MAD1L1: variants seen among roughly 807,000 people sequenced by gnomAD.
MAD1L1 encodes the protein mitotic spindle assembly checkpoint protein MAD1.
A neutral mutation model predicts 96.9 loss-of-function variants in MAD1L1; 95 were observed. The observed-to-expected ratio is 0.98, with a 90% CI of 0.83 to 1.16. The LOEUF is 1.16. Ranked by LOEUF, MAD1L1 falls within the 50% of genes most tolerant of loss-of-function variation. MAD1L1 has a pLI of 0.00. For synonymous variants in MAD1L1, 473 were observed against 396.6 expected, an observed-to-expected ratio of 1.19 and a Z score of -2.29; for missense variants, 1,007 against 954.4, an observed-to-expected ratio of 1.06 and a Z score of -0.73.
chr7:1,828,162 G>C (rs1054053969), intron 18 of MAD1L1, among the ~76,000 whole-genome samples: 1 of 152,120 alleles, frequency 6.6e-6, no homozygotes, highest in African/African-American at 2.4e-5. Flanking sequence ...TTCCGGCCGA[G>C]ACAGAGCCAC....
intron 16 of MAD1L1, among the ~76,000 whole-genome samples, chr7:1,940,959 C>T (rs12539435): frequency 0.014 from 1,025 of 71,038 alleles, 6 homozygotes; most frequent in East Asian, 0.031. Flanking sequence ...CCTCTTCCTC[C>T]CCCCGCAGGC....
chr7:2,077,853 T>C lies in MAD1L1; in HGVS notation c.1074-8515A>G, dbSNP rs188759357. Among the ~76,000 whole-genome samples, 4 of 152,250 alleles carry C rather than the reference T, an allele frequency of 2.6e-5. No individual in the cohort carries two copies. The East Asian group carries it at 5.8e-4, about 22-fold the overall frequency. Reference sequence around the variant, plus strand: ...CAAACCACACGTGCTCGTCCTCCAGTCACAAGAACTGTACACAGAGCTGTG... The same window carrying C: ...CAAACCACACGTGCTCGTCCTCCAGCCACAAGAACTGTACACAGAGCTGTG... On this transcript the variant is annotated intron_variant, in intron 11 of 18. Coordinates refer to ENST00000265854, the MANE Select transcript of MAD1L1 (RefSeq NM_001013836.2).
intron 12 of MAD1L1, among the ~76,000 whole-genome samples, chr7:2,022,664 A>G (rs1782838822): frequency 6.6e-6 from 1 of 152,224 alleles, no homozygotes; most frequent in African/African-American, 2.4e-5. Context: ...AAAAACAAAG[A>G]ACAAGTGTCC....
intron 15 of MAD1L1, among the ~76,000 whole-genome samples, chr7:1,969,920 C>T (rs1342773943): frequency 6.6e-6 from 1 of 152,236 alleles, no homozygotes; most frequent in Non-Finnish European, 1.5e-5. Context: ...AGACTGCCCA[C>T]TGTTTACCCG....
intron 17 of MAD1L1, among the ~76,000 whole-genome samples, chr7:1,911,264 G>A (rs1008886827): frequency 6.6e-6 from 1 of 152,028 alleles, no homozygotes; most frequent in African/African-American, 2.4e-5. Flanking sequence ...CCTCTGCTCG[G>A]GGTCTTTCTT....
chr7:2,014,548 G>A lies in MAD1L1; in HGVS notation c.1313C>T (p.Ala438Val). The A allele has an allele frequency of 6.2e-7, 1 of 1,610,214 alleles. No individual in the cohort carries two copies. Among genetic ancestry groups the A allele is most frequent in the South Asian group, 1.1e-5 (1 of 90,892 alleles). Residue 438 changes from alanine to valine, a missense_variant, in exon 13 of 19, where the codon GCT becomes GTT. Ala to Val is a moderately conservative substitution (Grantham distance 64). Transcript: ENST00000265854. ...SPQLTRRMRE[A>V]EDMVQKVHSH... ...GTGCACCTTCTGCACCATATCCTCA[G>A]CCTCCCGCATGCGCCGCGTCAGCTG...
intron 1 of MAD1L1, among the ~76,000 whole-genome samples, chr7:2,231,257 C>G (rs569727703): frequency 2.0e-5 from 3 of 152,064 alleles, no homozygotes; most frequent in Non-Finnish European, 4.4e-5. Flanking sequence ...GAGACCGCAC[C>G]ACTGCACTCC....
intron 18 of MAD1L1, among the ~76,000 whole-genome samples, chr7:1,875,326 A>G (rs1321430286): frequency 6.6e-6 from 1 of 152,208 alleles, no homozygotes; most frequent in African/African-American, 2.4e-5. Context: ...GGGAAGCAGA[A>G]GCCGAGAGAC....
At chr7:1,858,189 GC>G (rs1226295748) in intron 18 of MAD1L1, among the ~76,000 whole-genome samples, 2 of 152,188 alleles carry the variant, frequency 1.3e-5, no homozygotes, top group African/African-American at 4.8e-5. Flanking sequence ...TCACTGGCGC[GC>G]CCGTCGGTGG....
At chr7:2,058,129 G>A (rs374940142) in intron 12 of MAD1L1, among the ~76,000 whole-genome samples, 1 of 75,328 alleles carries the variant, frequency 1.3e-5, no homozygotes, top group East Asian at 3.4e-4. Flanking sequence ...GAGAGGCGCG[G>A]GGCTGGAGAG....
chr7:1,825,782 G>A (rs1782355398), intron 18 of MAD1L1, among the ~76,000 whole-genome samples: 1 of 152,186 alleles, frequency 6.6e-6, no homozygotes. Flanking sequence ...GATAAACCTG[G>A]GTAATGTGTG....
intron 17 of MAD1L1, among the ~76,000 whole-genome samples, chr7:1,931,365 G>GCA (rs1789468808): frequency 6.6e-6 from 1 of 152,262 alleles, no homozygotes; most frequent in Admixed American, 6.5e-5. Context: ...CTCTCTGGCA[G>GCA]CAAGCGGCGT....
rs1014384775 is a variant in MAD1L1 at position 1,840,347 on chromosome 7, C to T, written c.1999-24119G>A. On this transcript the variant is annotated intron_variant, in intron 18 of 18. Transcript: ENST00000265854. The stretch of plus-strand genomic sequence containing the variant: ...CAGGCAGCCTTCCTTGACTGCAGTG[C>T]GCCCCGGGGTATCTGGGAGACGCCT... 6.6e-5 allele frequency among the ~76,000 whole-genome samples: 10 copies of T among 152,348 alleles called. No homozygotes were observed. The East Asian group carries it at 7.7e-4, about 12-fold the overall frequency.
intron 13 of MAD1L1, among the ~76,000 whole-genome samples, chr7:2,014,025 C>T (rs1167970643): frequency 6.6e-6 from 1 of 152,174 alleles, no homozygotes; most frequent in African/African-American, 2.4e-5. Context: ...AGGAGGAACA[C>T]CTCTCCCAGT....
In MAD1L1 at chr7:1,911,717, G is replaced by A. The variant is rs373282306; in HGVS notation, c.1808-13327C>T. Among the ~76,000 whole-genome samples the A allele has an allele frequency of 3.6e-4, 49 of 135,882 alleles. No individual in the cohort carries two copies. The East Asian group carries it at 7.5e-3, about 21-fold the overall frequency. 89.1% of individuals were successfully genotyped at this position (135,882 alleles called of 152,430 possible). ...CAGGCCCCTCTTGGGCATCCCAACC[G>A]TCTCCAGTCTGGCGTCACCTCCAGA... On this transcript the variant is annotated intron_variant, in intron 17 of 18. Transcript: ENST00000265854.
intron 16 of MAD1L1, among the ~76,000 whole-genome samples, chr7:1,946,008 G>T (rs920704959): frequency 4.6e-5 from 7 of 152,172 alleles, no homozygotes; most frequent in African/African-American, 7.2e-5. Flanking sequence ...TCTGCACTGG[G>T]GCCAGGAGGC....
At chr7:2,228,072 C>T (rs1004706305) in intron 3 of MAD1L1, among the ~76,000 whole-genome samples, 7 of 152,222 alleles carry the variant, frequency 4.6e-5, no homozygotes, top group Admixed American at 3.3e-4. Context: ...TGACAGGGGC[C>T]AGGGACCAAG....
At chr7:1,852,696 A>G (rs751399127) in intron 18 of MAD1L1, among the ~76,000 whole-genome samples, 13 of 152,022 alleles carry the variant, frequency 8.6e-5, no homozygotes, top group Non-Finnish European at 1.9e-4. Flanking sequence ...TGCATTAGGA[A>G]GTAATCATAC....
At chr7:1,901,604 G>A (rs572803127) in intron 17 of MAD1L1, among the ~76,000 whole-genome samples, 12 of 152,368 alleles carry the variant, frequency 7.9e-5, no homozygotes, top group African/African-American at 2.6e-4. Context: ...GGCTCGCTGT[G>A]TGCTCAAGGC....
Sources: gnomAD v4.1 joint callset for allele counts (sites outside exome capture counted in the v4.1 genomes callset) on GRCh38, gnomAD v4.1.1 for gene constraint, MANE v1.5 for transcripts, NCBI Gene and HGNC (gene_info 2026-07-23, HGNC 2026-07-21) for gene names.